The following DLG2 variants were observed in gnomAD, a reference collection of about 807,000 sequenced individuals.
The protein encoded by DLG2 is disks large homolog 2.
A neutral mutation model predicts 132.5 loss-of-function variants in DLG2; 45 were observed. The observed-to-expected ratio is 0.34, with a 90% confidence interval of 0.27 to 0.44. The LOEUF (loss-of-function observed/expected upper bound fraction) is 0.44. Ranked by LOEUF, DLG2 falls within the 20% of genes least tolerant of loss-of-function variation. The pLI is 1.00. For synonymous variants in DLG2, 424 were observed against 419.6 expected, an observed-to-expected ratio of 1.01 and a Z score of -0.13; for missense variants, 1,045 against 1,196.9, an observed-to-expected ratio of 0.87 and a Z score of 1.87.
intron 7 of DLG2, among the ~76,000 whole-genome samples, chr11:84,391,900 TA>T (rs1343446806): frequency 1.3e-5 from 2 of 151,994 alleles, no homozygotes; most frequent in Non-Finnish European, 2.9e-5. Flanking sequence ...AAGAGAACCA[TA>T]AGTGCCACCA....
In DLG2 at chr11:84,359,946, T is replaced by C. The variant is rs570930276; in HGVS notation, c.520-108655A>G. ...CCTGATATATTTGATGAGTTAATTCTTAAGACTAGAGAAAAAAATAGCTTC... is the reference window on the plus strand; with the variant it reads ...CCTGATATATTTGATGAGTTAATTCCTAAGACTAGAGAAAAAAATAGCTTC... On this transcript the variant is annotated intron_variant, in intron 7 of 27. Coordinates refer to ENST00000376104, the MANE Select transcript of DLG2 (RefSeq NM_001142699.3). 4.6e-5 allele frequency among the ~76,000 whole-genome samples: 7 copies of C among 152,070 alleles called. No individual in the cohort carries two copies. In the South Asian group the frequency reaches 1.5e-3, roughly 32 times the overall value.
At position 84,070,581 on chromosome 11, in the gene DLG2, C is replaced by T. The variant is rs575856264; in HGVS notation, c.750-11097G>A. On this transcript the variant is annotated intron_variant, in intron 10 of 27. Transcript: ENST00000376104. ...TCCAATCCCAGAAATAGATGTAGAT[C>T]AACATATATGGAATTCATAATTGTA... Among the ~76,000 whole-genome samples, 3 of 152,290 alleles carry T rather than the reference C, an allele frequency of 2.0e-5. No homozygotes were observed. The East Asian group carries it at 5.8e-4, about 29-fold the overall frequency.
chr11:83,622,999 G>C (rs1281722484), intron 19 of DLG2, among the ~76,000 whole-genome samples: 1 of 152,140 alleles, frequency 6.6e-6, no homozygotes, highest in African/African-American at 2.4e-5. Flanking sequence ...CTGTGTCTAT[G>C]ATCTAAAGCT....
chr11:83,478,500 T>C (rs1321988953), intron 22 of DLG2, among the ~76,000 whole-genome samples: 1 of 152,094 alleles, frequency 6.6e-6, no homozygotes, highest in Non-Finnish European at 1.5e-5. Flanking sequence ...AAAATAATTA[T>C]TGATGTCATC....
chr11:83,897,386 G>A (rs1355676472), intron 15 of DLG2, among the ~76,000 whole-genome samples: 1 of 151,952 alleles, frequency 6.6e-6, no homozygotes, highest in Non-Finnish European at 1.5e-5. Flanking sequence ...ACCCTTAAGG[G>A]GATACTTTGT....
chr11:85,376,940 C>A (rs931307798), intron 3 of DLG2, among the ~76,000 whole-genome samples: 1 of 152,128 alleles, frequency 6.6e-6, no homozygotes, highest in African/African-American at 2.4e-5. Flanking sequence ...AAAATAATAA[C>A]ACATGTGCGC....
chr11:85,348,839 T>C (rs1449169498), intron 3 of DLG2, among the ~76,000 whole-genome samples: 1 of 152,186 alleles, frequency 6.6e-6, no homozygotes, highest in Non-Finnish European at 1.5e-5. Context: ...TCCCCATTAG[T>C]ATATCTTGAT....
chr11:84,584,708 A>C (rs2099525139), intron 6 of DLG2, among the ~76,000 whole-genome samples: 1 of 55,878 alleles, frequency 1.8e-5, no homozygotes, highest in Non-Finnish European at 3.3e-5. Context: ...TTTTTTTTTG[A>C]GACGGAGTCT....
chr11:85,141,345 A>G (rs1421512869), intron 5 of DLG2, among the ~76,000 whole-genome samples: 1 of 151,764 alleles, frequency 6.6e-6, no homozygotes, highest in Non-Finnish European at 1.5e-5. Context: ...TCATATATCT[A>G]TTGGCTATTT....
At chr11:85,614,796 AC>A (rs1408018269) in intron 2 of DLG2, among the ~76,000 whole-genome samples, 1 of 152,206 alleles carries the variant, frequency 6.6e-6, no homozygotes, top group Non-Finnish European at 1.5e-5. Flanking sequence ...ACTACTATAT[AC>A]ATTTTCACAA....
chr11:84,813,472 T>C (rs2076786933), intron 6 of DLG2, among the ~76,000 whole-genome samples: 1 of 152,106 alleles, frequency 6.6e-6, no homozygotes, highest in Admixed American at 6.5e-5. Flanking sequence ...TTGAAAGTCA[T>C]GTTTTTCTAC....
chr11:83,491,203 C>T lies in DLG2; in HGVS notation c.2194-6975G>A, dbSNP rs1438821505. 3.4e-5 allele frequency among the ~76,000 whole-genome samples: 5 copies of T among 148,790 alleles called. No individual in the cohort carries two copies. In the Middle Eastern group the frequency reaches 0.01, roughly 308 times the overall value. Reference sequence around the variant, plus strand: ...ACACCAGGAATAAAAACAATTCCAACTCGCATGAAGCACAAGGGGCTACCT... The same window carrying T: ...ACACCAGGAATAAAAACAATTCCAATTCGCATGAAGCACAAGGGGCTACCT... On this transcript the variant is annotated intron_variant, in intron 21 of 27. Coordinates refer to ENST00000376104, the MANE Select transcript of DLG2 (RefSeq NM_001142699.3).
intron 4 of DLG2, among the ~76,000 whole-genome samples, chr11:85,270,096 G>C (rs1161239496): frequency 2.6e-5 from 4 of 151,874 alleles, no homozygotes; most frequent in African/African-American, 9.7e-5. Flanking sequence ...ATACATATAT[G>C]AATACATATT....
chr11:85,546,945 T>C (rs1348950025), intron 3 of DLG2, among the ~76,000 whole-genome samples: 1 of 152,006 alleles, frequency 6.6e-6, no homozygotes, highest in Non-Finnish European at 1.5e-5. Flanking sequence ...CAATGGGTCT[T>C]GACTCTTATC....
chr11:83,469,483 A>G lies in DLG2; in HGVS notation c.2447-110T>C, dbSNP rs113418072. On this transcript the variant is annotated intron_variant, in intron 24 of 27. Coordinates refer to ENST00000376104, the MANE Select transcript of DLG2 (RefSeq NM_001142699.3). ...ACATTGATATGTAGAAATATGTAGT[A>G]TGAAGAAATATGACATAGTAACAGG... is the stretch of plus-strand genomic sequence containing the variant. 33 of 780,666 alleles carry G rather than the reference A, an allele frequency of 4.2e-5. 1 individual carries two copies. The highest frequency in any genetic ancestry group is 3.7e-4 in the African/African-American group (21 of 57,050). The allele number at this position is 780,666 out of a possible 1,614,324, so 48.4% of individuals were successfully genotyped here. A position where few individuals can be genotyped will look rare whatever the true frequency, so the allele number is the denominator to read the frequency against.
intron 8 of DLG2, among the ~76,000 whole-genome samples, chr11:84,213,665 A>C (rs1000497516): frequency 4.6e-5 from 7 of 151,958 alleles, no homozygotes; most frequent in African/African-American, 1.7e-4. Context: ...TAAAAATAGA[A>C]AAAATTAGAC....
intron 18 of DLG2, among the ~76,000 whole-genome samples, chr11:83,645,999 C>A (rs1453983095): frequency 1.3e-5 from 2 of 152,058 alleles, no homozygotes; most frequent in Non-Finnish European, 2.9e-5. Context: ...TTAACCAAAA[C>A]AGAGCTGGTT....
At chr11:84,984,849 C>T (rs994700620) in intron 6 of DLG2, among the ~76,000 whole-genome samples, 7 of 151,998 alleles carry the variant, frequency 4.6e-5, no homozygotes, top group East Asian at 1.9e-4. Context: ...CTACATCAGA[C>T]AAAACAAAAT....
intron 8 of DLG2, among the ~76,000 whole-genome samples, chr11:84,237,766 G>A (rs201237714): frequency 0.14 from 21,638 of 151,962 alleles, 1,735 homozygotes; most frequent in East Asian, 0.24. Flanking sequence ...AGCCGGGCAT[G>A]GTGGCTTATG....
Sources: allele counts gnomAD v4.1 joint callset (sites outside exome capture counted in the v4.1 genomes callset), GRCh38; gene constraint gnomAD v4.1.1; transcripts MANE v1.5; gene names NCBI Gene and HGNC (gene_info 2026-07-23, HGNC 2026-07-21).